EQTN: variants seen among roughly 807,000 people sequenced by gnomAD.
EQTN encodes the protein Acrosome formation associated factor.
In EQTN, 29 loss-of-function variants were observed where a neutral mutation model predicts 26.9. The ratio of observed to expected loss-of-function variants is 1.08; its 90% CI spans 0.80 to 1.47. EQTN has a LOEUF of 1.47. Ranked by LOEUF, EQTN falls within the 40% of genes most tolerant of loss-of-function variation. The probability of loss-of-function intolerance (pLI) is 0.00; values close to 1 mark genes in which losing one functional copy is unlikely to be tolerated. For synonymous variants in EQTN, 129 were observed against 120.0 expected (o/e 1.07, Z -0.49); for missense variants, 391 against 346.1 (o/e 1.13, Z -1.03).
intron 5 of EQTN, among the ~76,000 whole-genome samples, chr9:27,290,590 G>A (rs74965850): frequency 0.012 from 1,844 of 152,172 alleles, 45 homozygotes; most frequent in African/African-American, 0.042. Flanking sequence ...ATACACACAC[G>A]CATAGAAATA....
chr9:27,290,900 G>A (rs1000151836), intron 5 of EQTN, 119 bp downstream of exon 5: 3 of 712,850 alleles, frequency 4.2e-6, no homozygotes, highest in Non-Finnish European at 6.4e-6. Context: ...GCTATTACAT[G>A]TGGCAACAAA....
chr9:27,293,146 TAGG>T (rs1026377555), intron 3 of EQTN, among the ~76,000 whole-genome samples: 1 of 152,048 alleles, frequency 6.6e-6, no homozygotes, highest in African/African-American at 2.4e-5. Flanking sequence ...GCACCCTCTA[TAGG>T]AGGACTTCTA....
intron 1 of EQTN, 115 bp downstream of exon 1, chr9:27,296,865 C>T: frequency 6.4e-7 from 1 of 1,554,872 alleles, no homozygotes; most frequent in East Asian, 2.3e-5. Context: ...CATACCATAG[C>T]TCCAACAATA....
chr9:27,286,576 G>T (rs1056920517), intron 6 of EQTN, among the ~76,000 whole-genome samples: 31 of 152,208 alleles, frequency 2.0e-4, no homozygotes, highest in African/African-American at 7.2e-4. Flanking sequence ...CAACCCCGAA[G>T]GAGCTGTCCT....
At chr9:27,291,872 G>A (rs1396472827) in intron 4 of EQTN, among the ~76,000 whole-genome samples, 2 of 152,074 alleles carry the variant, frequency 1.3e-5, no homozygotes, top group Non-Finnish European at 2.9e-5. Flanking sequence ...AGACCTTAGA[G>A]GAGAGCCATC....
chr9:27,289,741 C>T lies in EQTN; in HGVS notation c.422-10G>A, dbSNP rs200922368. ...GCTGTTCCATTTATAGCTGTTAAAACAAATTGGGGTTATGGTAAACAACGT... is the reference window on the plus strand; with the variant it reads ...GCTGTTCCATTTATAGCTGTTAAAATAAATTGGGGTTATGGTAAACAACGT... On this transcript the variant is annotated splice_polypyrimidine_tract_variant and intron_variant, in intron 5 of 7. Transcript: ENST00000380032. 19 of 1,597,952 alleles carry T rather than the reference C, an allele frequency of 1.2e-5. No individual in the cohort carries two copies. The East Asian group carries it at 4.0e-4, about 34-fold the overall frequency.
At chr9:27,290,991 C>A in intron 5 of EQTN, 28 bp downstream of exon 5, 1 of 1,603,558 alleles carries the variant, frequency 6.2e-7, no homozygotes, top group Non-Finnish European at 8.5e-7. Context: ...CAAAATGTTT[C>A]CCAAGCTACC....
At chr9:27,292,731 G>C (rs563950967) in intron 3 of EQTN, among the ~76,000 whole-genome samples, 3 of 152,242 alleles carry the variant, frequency 2.0e-5, no homozygotes, top group East Asian at 3.9e-4. Context: ...TTGTGAAAGA[G>C]AGGCAAAGGA....
intron 2 of EQTN, among the ~76,000 whole-genome samples, chr9:27,296,127 AC>A (rs756040724): frequency 1.8e-4 from 27 of 152,086 alleles, no homozygotes; most frequent in Non-Finnish European, 2.9e-4. Context: ...ATGATGAAAC[AC>A]CGTTTCTACA....
intron 2 of EQTN, among the ~76,000 whole-genome samples, chr9:27,295,001 C>T (rs1375550287): frequency 6.6e-6 from 1 of 152,160 alleles, no homozygotes; most frequent in African/African-American, 2.4e-5. Flanking sequence ...CATGTGTCTC[C>T]TCTCTCCAAA....
intron 2 of EQTN, 58 bp from the exon 3 acceptor site, chr9:27,294,460 T>A: frequency 4.1e-6 from 4 of 986,276 alleles, no homozygotes; most frequent in Non-Finnish European, 5.9e-6. Context: ...TTCCTTTACC[T>A]TTTTCTTCCT....
intron 5 of EQTN, among the ~76,000 whole-genome samples, chr9:27,289,986 T>G (rs753401981): frequency 3.3e-5 from 5 of 152,240 alleles, no homozygotes; most frequent in Non-Finnish European, 5.9e-5. Context: ...TAAATAACCT[T>G]GTTTTATGTG....
intron 1 of EQTN, 59 bp from the exon 2 acceptor site, chr9:27,296,797 C>A: frequency 6.3e-7 from 1 of 1,579,028 alleles, no homozygotes; most frequent in East Asian, 2.2e-5. Flanking sequence ...TTACTGCTTT[C>A]TTTTTCTAAC....
intron 5 of EQTN, 101 bp from the exon 6 acceptor site, chr9:27,289,832 C>CTATA: frequency 1.2e-6 from 1 of 868,150 alleles, no homozygotes; most frequent in Non-Finnish European, 1.8e-6. Flanking sequence ...AGTGTGTGTA[C>CTATA]AGTCTGTTCT....
intron 2 of EQTN, among the ~76,000 whole-genome samples, chr9:27,295,303 C>T (rs984309715): frequency 7.9e-5 from 12 of 152,110 alleles, no homozygotes; most frequent in Admixed American, 6.5e-4. Context: ...ACACTCATGC[C>T]ATGAGTTATG....
At chr9:27,291,125 T>A in intron 4 of EQTN, 62 bp from the exon 5 acceptor site, 2 of 1,446,216 alleles carry the variant, frequency 1.4e-6, no homozygotes, top group Non-Finnish European at 1.9e-6. Flanking sequence ...ACAAAATAAT[T>A]TAGTTTGAGG....
At chr9:27,285,115 A>AGTT in intron 7 of EQTN, 143 bp from the exon 8 acceptor site, 1 of 224,482 alleles carries the variant, frequency 4.5e-6, no homozygotes, top group Admixed American at 5.9e-5. Context: ...AATGATATAT[A>AGTT]GTTTTTCTTT....
At chr9:27,294,557 T>TG in intron 2 of EQTN, 155 bp from the exon 3 acceptor site, 1 of 425,470 alleles carries the variant, frequency 2.4e-6, no homozygotes, top group Non-Finnish European at 4.2e-6. Context: ...AATAAGAAAG[T>TG]GGGGCAAGGG....
At chr9:27,289,879 A>G (rs1357198833) in intron 5 of EQTN, 148 bp from the exon 6 acceptor site, 2 of 513,032 alleles carry the variant, frequency 3.9e-6, no homozygotes, top group Non-Finnish European at 6.5e-6. Context: ...AAAGTCTTAT[A>G]AACACTGTAT....
Sources: allele counts gnomAD v4.1 joint callset (sites outside exome capture counted in the v4.1 genomes callset), GRCh38; gene constraint gnomAD v4.1.1; transcripts MANE v1.5; gene names NCBI Gene and HGNC (gene_info 2026-07-23, HGNC 2026-07-21).